HMCN2: variants seen among roughly 807,000 people sequenced by gnomAD.
HMCN2 encodes the protein hemicentin-2.
Under a neutral mutation model 377.5 loss-of-function variants are expected in HMCN2, and 325 were observed. That is an observed-to-expected ratio of 0.86 (90% CI 0.79 to 0.94). The LOEUF is 0.94. Among genes scored for constraint, HMCN2 ranks in the 40% least tolerant of loss-of-function variants. HMCN2 has a pLI of 0.00. For missense variants in HMCN2, 4,543 were observed against 4,725.3 expected, an observed-to-expected ratio of 0.96 and a Z score of 1.13; for synonymous variants, 2,007 against 2,046.8, an observed-to-expected ratio of 0.98 and a Z score of 0.53.
chr9:130,392,879 C>T (rs1473914485), intron 66 of HMCN2, among the ~76,000 whole-genome samples: 15 of 151,996 alleles, frequency 9.9e-5, no homozygotes, highest in Non-Finnish European at 1.5e-5. Flanking sequence ...GCCTGTAGTC[C>T]CAGCTACTCG....
rs549118533 is a variant in HMCN2 at position 130,265,817 on chromosome 9, G to T, written c.-62G>T. 1.2e-3 allele frequency: 350 copies of T among 287,980 alleles called. 1 individual carries two copies. Among genetic ancestry groups the T allele is most frequent in the Middle Eastern group, 3.9e-3 (3 of 778 alleles). 17.8% of individuals were successfully genotyped at this position (287,980 alleles called of 1,614,324 possible). A position where few individuals can be genotyped will look rare whatever the true frequency, so the allele number is the denominator to read the frequency against. Reference sequence around the variant, plus strand: ...GCCTGCAGCCGCCGTGTGCACCGGGGCGGCCGGCTAGCTCCGACCTGCGCC... The same window carrying T: ...GCCTGCAGCCGCCGTGTGCACCGGGTCGGCCGGCTAGCTCCGACCTGCGCC... On this transcript the variant is annotated 5_prime_UTR_variant, in exon 1 of 98. Transcript: ENST00000683500.
Position 130,304,731 on chromosome 9 carries a change from C to T in HMCN2, c.1545C>T (p.Asp515=). The change falls in exon 11 of 98, where the codon GAC becomes GAT. Residue 515 remains aspartate (D), a splice_region_variant and synonymous_variant. Transcript: ENST00000683500. This position sits in a 1 kb window ranked among gnomAD's most constrained non-coding sequence, Gnocchi z 4.3. Reference sequence around the variant, plus strand: ...CCTCCTGTGCTCATGTCCCTGCAGACCCCCCGCCGCAGCTGGTCCCTGCTC... The same window carrying T: ...CCTCCTGTGCTCATGTCCCTGCAGATCCCCCGCCGCAGCTGGTCCCTGCTC... ...GRAKAQIVVT[D]PPPQLVPAPN... is the part of the protein sequence containing the mutation. 2 of 461,090 alleles carry T rather than the reference C, an allele frequency of 4.3e-6. No individual in the cohort carries two copies. The highest frequency in any genetic ancestry group is 9.1e-6 in the Non-Finnish European group (2 of 220,094). 28.6% of individuals were successfully genotyped at this position (461,090 alleles called of 1,614,324 possible). A position where few individuals can be genotyped will look rare whatever the true frequency, so the allele number is the denominator to read the frequency against.
Position 130,309,936 on chromosome 9 carries a change from CT to C in HMCN2, c.2226del (p.Glu743ArgfsTer46), listed in dbSNP as rs782103980. On this transcript the variant is annotated frameshift_variant, in exon 15 of 98. Coordinates refer to ENST00000683500, the MANE Select transcript of HMCN2 (RefSeq NM_001291815.2). LOFTEE classifies it high-confidence loss of function. ...YRGGLEMILA[P>X]EGSSSGKLRI... The stretch of plus-strand genomic sequence containing the variant: ...GGGGGTCTTGAAATGATCCTGGCCC[CT>C]GAGGGCTCCAGCTCTGGGAAGCTGC... The C allele has an allele frequency of 1.3e-5, 7 of 520,670 alleles. No individual in the cohort carries two copies. In the Admixed American group the frequency reaches 1.4e-4, roughly 11 times the overall value. The allele number at this position is 520,670 out of a possible 1,614,324, so 32.3% of individuals were successfully genotyped here.
At chr9:130,429,869 C>G (rs183823248) in intron 94 of HMCN2, 184 bp downstream of exon 94, 8 of 1,177,926 alleles carry the variant, frequency 6.8e-6, no homozygotes, top group Middle Eastern at 3.0e-4. Flanking sequence ...AAACAGCAGC[C>G]GACACTTTGC....
At chr9:130,321,501 C>T (rs1837847894) in intron 18 of HMCN2, among the ~76,000 whole-genome samples, 1 of 152,068 alleles carries the variant, frequency 6.6e-6, no homozygotes, top group Non-Finnish European at 1.5e-5. Flanking sequence ...GAGAGACTCT[C>T]GTGGGCCCAG....
At chr9:130,413,659 T>A (rs934456676) in intron 85 of HMCN2, among the ~76,000 whole-genome samples, 1 of 152,192 alleles carries the variant, frequency 6.6e-6, no homozygotes, top group Non-Finnish European at 1.5e-5. Context: ...TGTTTCTTTT[T>A]GTCCCTTATA....
intron 60 of HMCN2, 91 bp from the exon 61 acceptor site, chr9:130,386,352 G>A (rs1453922349): frequency 1.4e-6 from 1 of 710,460 alleles, no homozygotes; most frequent in Non-Finnish European, 2.1e-6. Flanking sequence ...CCCCTGCTCT[G>A]GAAGTTTTGG....
chr9:130,433,051 C>T, intron 97 of HMCN2: 4 of 431,674 alleles, frequency 9.3e-6, no homozygotes, highest in Non-Finnish European at 1.6e-5. Flanking sequence ...GTGACTTGGC[C>T]CAGGGGCACA....
intron 86 of HMCN2, among the ~76,000 whole-genome samples, chr9:130,420,770 C>T (rs188778976): frequency 6.6e-5 from 10 of 152,184 alleles, no homozygotes; most frequent in African/African-American, 2.2e-4. Context: ...GCCCTAATGA[C>T]CTCATTCTAA....
chr9:130,272,724 G>A (rs536265519), intron 1 of HMCN2, among the ~76,000 whole-genome samples: 1 of 152,042 alleles, frequency 6.6e-6, no homozygotes, highest in South Asian at 2.1e-4. Context: ...ATTTTTGTGT[G>A]TGTATATATA....
chr9:130,384,607 G>A (rs1841914857), intron 58 of HMCN2, 73 bp downstream of exon 58: 1 of 1,301,216 alleles, frequency 7.7e-7, no homozygotes, highest in Non-Finnish European at 1.0e-6. Flanking sequence ...ACCTGGGACA[G>A]GGCCGTCAGT....
rs7025670 is a variant in HMCN2 at position 130,408,823 on chromosome 9, C to A, written c.12769C>A (p.Arg4257Ser). Residue 4257 changes from arginine (R) to serine (S), a missense_variant, in exon 84 of 98, where the codon CGT (arginine) becomes AGT (serine). Physicochemically the swap from Arg to Ser is moderately radical, Grantham distance 110. Coordinates refer to ENST00000683500, the MANE Select transcript of HMCN2 (RefSeq NM_001291815.2). ...CAGCATTCAGCTAGACTGTGTGGTG[C>A]GTGGAGACCCAGTGCCGGACATCCA... ...GGSIQLDCVV[R>S]GDPVPDIHWI... is the part of the protein sequence containing the mutation. The A allele has an allele frequency of 7.8e-7, 1 of 1,289,634 alleles. No homozygotes were observed. Among genetic ancestry groups the A allele is most frequent in the Non-Finnish European group, 1.0e-6 (1 of 988,846 alleles). The allele number at this position is 1,289,634 out of a possible 1,614,324, so 79.9% of individuals were successfully genotyped here. A position where few individuals can be genotyped will look rare whatever the true frequency, so the allele number is the denominator to read the frequency against.
Position 130,414,417 on chromosome 9 carries a change from T to G in HMCN2, c.12961+3765T>G, listed in dbSNP as rs1229630178. 2.0e-5 allele frequency among the ~76,000 whole-genome samples: 3 copies of G among 152,152 alleles called. No homozygotes were observed. The highest frequency in any genetic ancestry group is 7.2e-5 in the African/African-American group (3 of 41,412). ...CCTGGCGGAAGTGAGTGGCACCACT[T>G]TTTCTTGGCAGTTTTATAGCTCTGC... On this transcript the variant is annotated intron_variant, in intron 85 of 97. Transcript: ENST00000683500. This position sits in a 1 kb window ranked among gnomAD's most constrained non-coding sequence, Gnocchi z 4.4.
At chr9:130,385,106 G>A (rs34326445) in intron 59 of HMCN2, among the ~76,000 whole-genome samples, 17,547 of 152,218 alleles carry the variant, frequency 0.12, 1,092 homozygotes, top group African/African-American at 0.16. Context: ...GCAAGGACTC[G>A]CTGGAAGGTT....
At position 130,309,980 on chromosome 9, in the gene HMCN2, G is replaced by A. The variant is rs561746942; in HGVS notation, c.2269G>A (p.Glu757Lys). ...SGKLRIPAAQ[E>K]RDAGTYTCRA... ...GAAGCTGCGGATCCCGGCGGCTCAG[G>A]AGAGGGATGCTGGCACCTACACCTG... The change falls in exon 15 of 98, where the codon GAG (glutamate) becomes AAG (lysine). Residue 757 changes from glutamate (E) to lysine (K), a missense_variant. Glu to Lys is a moderately conservative substitution (Grantham distance 56). Transcript: ENST00000683500. 1.9e-6 allele frequency: 1 copy of A among 532,972 alleles called. No homozygotes were observed. Among genetic ancestry groups the A allele is most frequent in the South Asian group, 1.4e-5 (1 of 71,062 alleles). The allele number at this position is 532,972 out of a possible 1,614,324, so 33.0% of individuals were successfully genotyped here.
rs1844921151 is a variant in HMCN2, at chr9:130,433,753, G to A, written c.*60G>A. 1.5e-6 allele frequency: 2 copies of A among 1,313,158 alleles called. No homozygotes were observed. The highest frequency in any genetic ancestry group is 2.0e-6 in the Non-Finnish European group (2 of 999,694). 81.3% of individuals were successfully genotyped at this position (1,313,158 alleles called of 1,614,324 possible). A position where few individuals can be genotyped will look rare whatever the true frequency, so the allele number is the denominator to read the frequency against. On this transcript the variant is annotated 3_prime_UTR_variant, in exon 98 of 98. Coordinates refer to ENST00000683500, the MANE Select transcript of HMCN2 (RefSeq NM_001291815.2). The stretch of plus-strand genomic sequence containing the variant: ...CCCCCGAGGAAGGGGTCGAGGAGAA[G>A]CTTGGTCCACGCCACCTGCTGTGGC...
In HMCN2 at chr9:130,303,803, C is replaced by T. The variant is rs762504376; in HGVS notation, c.1543+195C>T. 1.9e-4 allele frequency among the ~76,000 whole-genome samples: 29 copies of T among 152,194 alleles called. No individual in the cohort carries two copies. The highest frequency in any genetic ancestry group is 3.5e-4 in the Non-Finnish European group (24 of 68,036). ...CACCCAGGAACGGCCTGTGGGTCTC[C>T]GCTGGAGGAAGGCTGAGGACCTGGC... On this transcript the variant is annotated intron_variant, in intron 10 of 97. Transcript: ENST00000683500. This position sits in a 1 kb window ranked among gnomAD's most constrained non-coding sequence, Gnocchi z 5.2.
In HMCN2 at chr9:130,397,516, C is replaced by T. The variant is rs955698137; in HGVS notation, c.11199-12C>T. Reference sequence around the variant, plus strand: ...GCTTGCTCATCTCCAGGGCAACCCCCATCCATTCTAGGTTTGAAATTCTGC... The same window carrying T: ...GCTTGCTCATCTCCAGGGCAACCCCTATCCATTCTAGGTTTGAAATTCTGC... On this transcript the variant is annotated splice_polypyrimidine_tract_variant and intron_variant, in intron 73 of 97. Coordinates refer to ENST00000683500, the MANE Select transcript of HMCN2 (RefSeq NM_001291815.2). 3.9e-6 allele frequency: 5 copies of T among 1,289,646 alleles called. No homozygotes were observed. Among genetic ancestry groups the T allele is most frequent in the African/African-American group, 1.5e-5 (1 of 65,876 alleles). 79.9% of individuals were successfully genotyped at this position (1,289,646 alleles called of 1,614,324 possible).
chr9:130,306,730 A>G (rs1000593756), intron 12 of HMCN2, 81 bp from the exon 13 acceptor site: 18 of 420,780 alleles, frequency 4.3e-5, no homozygotes, highest in African/African-American at 2.0e-4. Context: ...CGCTAGTGGC[A>G]TTGTTAGTGA....
Sources: gnomAD v4.1 joint callset for allele counts (sites outside exome capture counted in the v4.1 genomes callset) on GRCh38, gnomAD v4.1.1 for gene constraint, Gnocchi (gnomAD v3.1) non-coding constraint, MANE v1.5 for transcripts, NCBI Gene and HGNC (gene_info 2026-07-23, HGNC 2026-07-21) for gene names.